Variants in BPTF observed in about 807,000 individuals in gnomAD.
The protein encoded by BPTF is bromodomain PHD finger transcription factor, also known as nucleosome-remodeling factor subunit BPTF.
BPTF carries 18 observed loss-of-function variants against 292.5 expected under a neutral mutation model. The observed-to-expected ratio is 0.06, with a 90% confidence interval of 0.04 to 0.09. The LOEUF is 0.09. Ranked by LOEUF, BPTF falls within the 10% of genes least tolerant of loss-of-function variation. The pLI is 1.00. For synonymous variants in BPTF, 1,225 were observed against 1,251.9 expected (o/e 0.98, Z 0.45); for missense variants, 2,726 against 3,498.7 (o/e 0.78, Z 5.57).
intron 1 of BPTF, among the ~76,000 whole-genome samples, chr17:67,839,730 A>G (rs1309567319): frequency 2.0e-5 from 3 of 152,202 alleles, no homozygotes; most frequent in Non-Finnish European, 4.4e-5. Flanking sequence ...GGTTTTTGGC[A>G]ACTATGAATA....
At chr17:67,889,422 A>G (rs570587383) in intron 4 of BPTF, among the ~76,000 whole-genome samples, 7 of 152,344 alleles carry the variant, frequency 4.6e-5, no homozygotes, top group Admixed American at 3.9e-4. Context: ...AATCTGACCC[A>G]GACCAAATGA....
intron 18 of BPTF, among the ~76,000 whole-genome samples, chr17:67,935,333 A>G (rs938548152): frequency 6.6e-6 from 1 of 152,140 alleles, no homozygotes; most frequent in Non-Finnish European, 1.5e-5. Context: ...AGGCTGAGGC[A>G]GGAGGATCAC....
In BPTF at chr17:67,929,336, G is replaced by A; in HGVS notation, c.5999G>A (p.Gly2000Asp). 1 of 1,612,048 alleles carries A rather than the reference G, an allele frequency of 6.2e-7. No homozygotes were observed. The highest frequency in any genetic ancestry group is 8.5e-7 in the Non-Finnish European group (1 of 1,179,404). Reference sequence around the variant, plus strand: ...AATTATGGCTTCATCTTTTTTTAAGGCGTTGTTCAAGTACAGCAGAAAGTC... The same window carrying A: ...AATTATGGCTTCATCTTTTTTTAAGACGTTGTTCAAGTACAGCAGAAAGTC... ...TWVKQGQSNS[G>D]VVQVQQKVLG... The change falls in exon 17 of 28, where the codon GGC becomes GAC. Residue 2000 changes from glycine to aspartate, a missense_variant and splice_region_variant. Physicochemically the swap from Gly to Asp is moderately conservative, Grantham distance 94 (BLOSUM62 -1). Coordinates refer to ENST00000306378, the MANE Select transcript of BPTF (RefSeq NM_182641.4).
chr17:67,881,545 A>C (rs970221868), intron 4 of BPTF, among the ~76,000 whole-genome samples: 1 of 125,560 alleles, frequency 8.0e-6, no homozygotes, highest in Non-Finnish European at 1.6e-5. Flanking sequence ...TCTGTCACCC[A>C]GGCTGGAGTG....
At chr17:67,875,731 C>T (rs1204715903) in intron 4 of BPTF, 2 of 1,592,570 alleles carry the variant, frequency 1.3e-6, no homozygotes, top group African/African-American at 1.4e-5. Context: ...CTGAGCTCCC[C>T]CAGGATGTGC....
At chr17:67,894,802 A>C (rs188195115) in intron 7 of BPTF, among the ~76,000 whole-genome samples, 61 of 152,316 alleles carry the variant, frequency 4.0e-4, no homozygotes, top group Non-Finnish European at 8.2e-4. Flanking sequence ...TCTGATTTAC[A>C]TCTGTTTTTA....
chr17:67,841,131 G>C (rs2057522199), intron 1 of BPTF, among the ~76,000 whole-genome samples: 2 of 152,110 alleles, frequency 1.3e-5, no homozygotes, highest in Admixed American at 1.3e-4. Flanking sequence ...AGTAAGGCCA[G>C]GCATGGTGGC....
Position 67,983,744 on chromosome 17 carries a change from C to A in BPTF, c.*1456C>A, listed in dbSNP as rs1555697952. 1 of 152,610 alleles carries A rather than the reference C, an allele frequency of 6.6e-6. No homozygotes were observed. The highest frequency in any genetic ancestry group is 1.5e-5 in the Non-Finnish European group (1 of 68,028). The allele number at this position is 152,610 out of a possible 1,614,324, so 9.5% of individuals were successfully genotyped here. A position where few individuals can be genotyped will look rare whatever the true frequency, so the allele number is the denominator to read the frequency against. ...TAGATTTTGCACTAACTCATATTAG[C>A]TTTGTCCTACCAACTTCTGGAATTT... On this transcript the variant is annotated 3_prime_UTR_variant, in exon 28 of 28. Transcript: ENST00000306378.
At chr17:67,963,376 G>A (rs1202547546) in intron 24 of BPTF, 1 of 1,535,548 alleles carries the variant, frequency 6.5e-7, no homozygotes, top group Non-Finnish European at 8.7e-7. Flanking sequence ...GTATCATGGA[G>A]AATGTGTTGG....
At chr17:67,843,751 T>C (rs886413001) in intron 1 of BPTF, among the ~76,000 whole-genome samples, 4 of 136,440 alleles carry the variant, frequency 2.9e-5, no homozygotes, top group Non-Finnish European at 4.6e-5. Context: ...CTGGAGCAGT[T>C]GTCTTTTTTT....
chr17:67,870,199 C>T (rs1303547396), intron 3 of BPTF, among the ~76,000 whole-genome samples: 1 of 151,660 alleles, frequency 6.6e-6, no homozygotes, highest in Admixed American at 6.6e-5. Context: ...GTGAGTTGTA[C>T]CTTGGATTTA....
intron 1 of BPTF, among the ~76,000 whole-genome samples, chr17:67,849,413 G>A (rs539254572): frequency 1.1e-4 from 16 of 152,284 alleles, no homozygotes; most frequent in Non-Finnish European, 2.1e-4. Flanking sequence ...ACATGATAAT[G>A]CCAGTCACTT....
intron 2 of BPTF, among the ~76,000 whole-genome samples, chr17:67,862,894 C>T (rs1282686543): frequency 6.6e-6 from 1 of 151,542 alleles, no homozygotes; most frequent in Non-Finnish European, 1.5e-5. Flanking sequence ...TCCAATCTCC[C>T]TGTCACTATC....
At chr17:67,868,170 A>T (rs1266825074) in intron 3 of BPTF, among the ~76,000 whole-genome samples, 1 of 152,170 alleles carries the variant, frequency 6.6e-6, no homozygotes, top group African/African-American at 2.4e-5. Context: ...TTTTTAAGTT[A>T]TAAATACATA....
At chr17:67,941,512 A>G (rs1383262411) in intron 19 of BPTF, among the ~76,000 whole-genome samples, 1 of 152,216 alleles carries the variant, frequency 6.6e-6, no homozygotes, top group African/African-American at 2.4e-5. Context: ...AGGTACAGAC[A>G]TAAGGAGAGG....
intron 18 of BPTF, among the ~76,000 whole-genome samples, chr17:67,939,037 C>G (rs1481040940): frequency 1.3e-5 from 2 of 152,134 alleles, no homozygotes; most frequent in Non-Finnish European, 1.5e-5. Flanking sequence ...GAAATAGGCA[C>G]ACAGAGCTGG....
chr17:67,885,729 A>C (rs559194876), intron 4 of BPTF, among the ~76,000 whole-genome samples: 36 of 152,358 alleles, frequency 2.4e-4, no homozygotes, highest in African/African-American at 7.7e-4. Context: ...AAGTAAGACT[A>C]TAAGCTTCAG....
chr17:67,955,934 G>A (rs573952595), intron 23 of BPTF: 2 of 152,052 alleles, frequency 1.3e-5, no homozygotes, highest in East Asian at 3.9e-4. Context: ...GATCAGTTGA[G>A]GCCAGGATTT....
chr17:67,885,454 C>T (rs911817989), intron 4 of BPTF, among the ~76,000 whole-genome samples: 2 of 152,056 alleles, frequency 1.3e-5, no homozygotes, highest in East Asian at 1.9e-4. Context: ...GGTATGGTGG[C>T]GTGCACCTGA....
Sources: gnomAD v4.1 joint callset for allele counts (sites outside exome capture counted in the v4.1 genomes callset) on GRCh38, gnomAD v4.1.1 for gene constraint, MANE v1.5 for transcripts, NCBI Gene and HGNC (gene_info 2026-07-23, HGNC 2026-07-21) for gene names.